The following ARHGAP10 variants were observed in gnomAD, a reference collection of about 807,000 sequenced individuals.
The protein encoded by ARHGAP10 is Rho GTPase activating protein 10.
In ARHGAP10, 87 loss-of-function variants were observed where a neutral mutation model predicts 108.6. The ratio of observed to expected loss-of-function variants is 0.80; its 90% CI spans 0.67 to 0.96. The LOEUF (loss-of-function observed/expected upper bound fraction) is 0.96. Ranked by LOEUF, ARHGAP10 falls within the 40% of genes least tolerant of loss-of-function variation. ARHGAP10 has a pLI of 0.00. For synonymous variants in ARHGAP10, 347 were observed against 341.1 expected (o/e 1.02, Z -0.19); for missense variants, 939 against 954.5 (o/e 0.98, Z 0.21).
intron 1 of ARHGAP10, among the ~76,000 whole-genome samples, chr4:147,797,268 C>G (rs972590454): frequency 6.6e-6 from 1 of 152,060 alleles, no homozygotes; most frequent in Admixed American, 6.5e-5. Context: ...TTATTACCCT[C>G]CAGATGAAGA....
chr4:147,882,462 C>CA (rs111560424), intron 10 of ARHGAP10, among the ~76,000 whole-genome samples: 22,883 of 145,018 alleles, frequency 0.16, 2,448 homozygotes, highest in African/African-American at 0.3. Flanking sequence ...GACTCCGTTT[C>CA]AAAAAAAAAA....
intron 19 of ARHGAP10, among the ~76,000 whole-genome samples, chr4:148,034,912 C>A (rs1728306725): frequency 6.6e-6 from 1 of 152,096 alleles, no homozygotes; most frequent in Non-Finnish European, 1.5e-5. Flanking sequence ...TTAAACAATG[C>A]CCCAGGACTG....
chr4:147,963,891 A>G (rs1251395487), intron 16 of ARHGAP10, among the ~76,000 whole-genome samples: 2 of 152,104 alleles, frequency 1.3e-5, no homozygotes, highest in Non-Finnish European at 2.9e-5. Flanking sequence ...CACGGTCACT[A>G]TCCCTCTCTT....
At chr4:147,933,560 A>C (rs182021119) in intron 13 of ARHGAP10, among the ~76,000 whole-genome samples, 52 of 152,272 alleles carry the variant, frequency 3.4e-4, no homozygotes, top group African/African-American at 1.2e-3. Flanking sequence ...CTGTCTCAGC[A>C]CTAGAGGATG....
intron 1 of ARHGAP10, among the ~76,000 whole-genome samples, chr4:147,752,122 A>T (rs539699742): frequency 5.3e-5 from 8 of 152,198 alleles, no homozygotes; most frequent in African/African-American, 1.9e-4. Context: ...TAACCTCATG[A>T]TCTGCCTGCC....
At chr4:147,985,862 C>G (rs559593607) in intron 18 of ARHGAP10, among the ~76,000 whole-genome samples, 1 of 152,298 alleles carries the variant, frequency 6.6e-6, no homozygotes, top group Admixed American at 6.5e-5. Context: ...GGATCCCTAG[C>G]AGTAAGGGAA....
At chr4:147,988,663 A>G (rs1180406402) in intron 18 of ARHGAP10, among the ~76,000 whole-genome samples, 2 of 152,244 alleles carry the variant, frequency 1.3e-5, no homozygotes, top group Admixed American at 6.5e-5. Context: ...TGGGGAAACC[A>G]AGAGCTGCAA....
rs748941170 is a variant in ARHGAP10, at chr4:148,047,040, G to C, written c.2016G>C (p.Trp672Cys). 16 of 1,614,086 alleles carry C rather than the reference G, an allele frequency of 9.9e-6. No individual in the cohort carries two copies. Among genetic ancestry groups the C allele is most frequent in the East Asian group, 2.2e-5 (1 of 44,880 alleles). ...CAGATGGAGGGAGCTTTGGAGACTG[G>C]GCATCCACTATGTAAGTAACCGTGC... ...LLADGGSFGDWASTIPGQTRS... is the reference protein window; with the variant it reads ...LLADGGSFGDCASTIPGQTRS... Residue 672 changes from tryptophan (W) to cysteine (C), a missense_variant, in exon 20 of 23, where the codon TGG (tryptophan) becomes TGC (cysteine). Coordinates refer to ENST00000336498, the MANE Select transcript of ARHGAP10 (RefSeq NM_024605.4).
At chr4:147,902,229 A>G (rs1736280451) in intron 10 of ARHGAP10, among the ~76,000 whole-genome samples, 1 of 152,094 alleles carries the variant, frequency 6.6e-6, no homozygotes, top group African/African-American at 2.4e-5. Context: ...GTCTTCTAAT[A>G]TGTTTTTGCA....
chr4:147,799,903 C>T (rs1731506221), intron 1 of ARHGAP10, among the ~76,000 whole-genome samples: 1 of 151,858 alleles, frequency 6.6e-6, no homozygotes, highest in Admixed American at 6.6e-5. Context: ...TTTTGCCTAT[C>T]TTTTTTTTGG....
intron 18 of ARHGAP10, among the ~76,000 whole-genome samples, chr4:147,989,470 C>A (rs1209029500): frequency 6.9e-6 from 1 of 145,238 alleles, no homozygotes. Flanking sequence ...TTCACCTCTG[C>A]AATCTTGACC....
intron 1 of ARHGAP10, among the ~76,000 whole-genome samples, chr4:147,806,358 A>T (rs1381777185): frequency 1.3e-5 from 2 of 152,030 alleles, no homozygotes; most frequent in African/African-American, 4.8e-5. Flanking sequence ...ACCAGATTAT[A>T]GTAATGCCAG....
At chr4:147,929,924 T>G (rs1737607979) in intron 13 of ARHGAP10, among the ~76,000 whole-genome samples, 1 of 152,258 alleles carries the variant, frequency 6.6e-6, no homozygotes, top group African/African-American at 2.4e-5. Context: ...TATGCAAACC[T>G]ATATTTGCAT....
chr4:147,874,914 A>G, intron 7 of ARHGAP10, 107 bp from the exon 8 acceptor site: 1 of 1,208,138 alleles, frequency 8.3e-7, no homozygotes, highest in Non-Finnish European at 1.1e-6. Flanking sequence ...TAAAAAAGTT[A>G]TTTAGAGTTA....
intron 1 of ARHGAP10, among the ~76,000 whole-genome samples, chr4:147,753,967 C>T (rs1377293991): frequency 6.6e-6 from 1 of 152,192 alleles, no homozygotes; most frequent in Non-Finnish European, 1.5e-5. Context: ...TCATCTGCTA[C>T]TACTCGTTCT....
At chr4:148,036,650 C>T (rs1185249279) in intron 19 of ARHGAP10, among the ~76,000 whole-genome samples, 2 of 152,198 alleles carry the variant, frequency 1.3e-5, no homozygotes, top group East Asian at 1.9e-4. Flanking sequence ...AAACCTCTTT[C>T]CTTTATAAAT....
At chr4:147,949,305 C>T (rs1260209660) in intron 15 of ARHGAP10, among the ~76,000 whole-genome samples, 2 of 152,114 alleles carry the variant, frequency 1.3e-5, no homozygotes, top group Admixed American at 6.5e-5. Context: ...CTTGTTACTC[C>T]CAACTCTAGG....
chr4:147,784,472 A>G (rs1338849960), intron 1 of ARHGAP10, among the ~76,000 whole-genome samples: 1 of 123,368 alleles, frequency 8.1e-6, no homozygotes, highest in Non-Finnish European at 1.6e-5. Context: ...TATATAATTT[A>G]TATTTATATA....
At chr4:147,747,938 T>A (rs1729001900) in intron 1 of ARHGAP10, among the ~76,000 whole-genome samples, 1 of 152,104 alleles carries the variant, frequency 6.6e-6, no homozygotes, top group Admixed American at 6.6e-5. Context: ...TAGAGACAAT[T>A]TTGGTTGTTA....
Sources: allele counts gnomAD v4.1 joint callset (sites outside exome capture counted in the v4.1 genomes callset), GRCh38; gene constraint gnomAD v4.1.1; transcripts MANE v1.5; gene names NCBI Gene and HGNC (gene_info 2026-07-23, HGNC 2026-07-21).